PJA2: variants seen among roughly 807,000 people sequenced by gnomAD.
PJA2 encodes the protein E3 ubiquitin-protein ligase Praja-2.
In PJA2, 25 loss-of-function variants were observed where a neutral mutation model predicts 69.3. That is an observed-to-expected ratio of 0.36 (90% CI 0.26 to 0.50). The LOEUF is 0.50. Among genes scored for constraint, PJA2 ranks in the 20% least tolerant of loss-of-function variants. PJA2 has a pLI of 0.96. For synonymous variants in PJA2, 308 were observed against 277.8 expected, an observed-to-expected ratio of 1.11 and a Z score of -1.08; for missense variants, 809 against 830.2, an observed-to-expected ratio of 0.97 and a Z score of 0.31.
At chr5:109,363,941 C>T (rs1762538390) in intron 5 of PJA2, among the ~76,000 whole-genome samples, 1 of 152,018 alleles carries the variant, frequency 6.6e-6, no homozygotes, top group African/African-American at 2.4e-5. Flanking sequence ...CACTTGAGGC[C>T]AGGAGTTTGA....
intron 1 of PJA2, chr5:109,409,206 C>T (rs1027444366): frequency 3.7e-5 from 5 of 134,788 alleles, no homozygotes; most frequent in African/African-American, 1.3e-4. Flanking sequence ...CCTGACATCG[C>T]TAACTGAGAG....
At chr5:109,369,081 A>G (rs1762630818) in intron 4 of PJA2, among the ~76,000 whole-genome samples, 1 of 152,126 alleles carries the variant, frequency 6.6e-6, no homozygotes, top group Admixed American at 6.5e-5. Flanking sequence ...GCATTCCACC[A>G]TGATTGGAAG....
intron 6 of PJA2, among the ~76,000 whole-genome samples, chr5:109,361,667 G>A (rs1762508311): frequency 6.6e-6 from 1 of 152,202 alleles, no homozygotes; most frequent in African/African-American, 2.4e-5. Flanking sequence ...ACTGGGACTA[G>A]GTAAAGCCAC....
chr5:109,394,369 C>T (rs2963023), intron 1 of PJA2, among the ~76,000 whole-genome samples: 115,755 of 152,076 alleles, frequency 0.76, 45,025 homozygotes, highest in African/African-American at 0.89. Context: ...CTCGACTTGG[C>T]TGGTGTTTAT....
At chr5:109,399,264 T>C (rs1273637291) in intron 1 of PJA2, among the ~76,000 whole-genome samples, 2 of 148,298 alleles carry the variant, frequency 1.3e-5, no homozygotes, top group Non-Finnish European at 3.0e-5. Context: ...GGAGAGAAGG[T>C]ACAGCATCAT....
At chr5:109,364,743 G>A (rs1762559808) in intron 5 of PJA2, among the ~76,000 whole-genome samples, 1 of 141,666 alleles carries the variant, frequency 7.1e-6, no homozygotes, top group African/African-American at 2.5e-5. Flanking sequence ...AGAGACAAAG[G>A]GCTTTTCCTT....
chr5:109,386,225 GAA>G (rs1015059173), intron 1 of PJA2, among the ~76,000 whole-genome samples: 6 of 152,112 alleles, frequency 3.9e-5, no homozygotes, highest in Admixed American at 6.6e-5. Flanking sequence ...GGCAGTGAGA[GAA>G]AAGAAAAATA....
intron 1 of PJA2, among the ~76,000 whole-genome samples, chr5:109,388,971 T>C (rs1330174292): frequency 2.0e-5 from 3 of 152,212 alleles, no homozygotes; most frequent in Non-Finnish European, 4.4e-5. Context: ...AATGCATTTA[T>C]GACAAACTAT....
At chr5:109,399,730 TGAG>T (rs1747497225) in intron 1 of PJA2, among the ~76,000 whole-genome samples, 1 of 151,928 alleles carries the variant, frequency 6.6e-6, no homozygotes, top group African/African-American at 2.4e-5. Flanking sequence ...ACAAAAAAGC[TGAG>T]GAGGAAAAAA....
chr5:109,340,930 G>C (rs1312976123), intron 9 of PJA2, among the ~76,000 whole-genome samples: 2 of 120,954 alleles, frequency 1.7e-5, no homozygotes, highest in African/African-American at 2.7e-5. Flanking sequence ...ACGGAGTCTC[G>C]TTCACTCAGT....
chr5:109,371,372 TTTG>T (rs778105453), intron 4 of PJA2, among the ~76,000 whole-genome samples: 1 of 152,210 alleles, frequency 6.6e-6, no homozygotes, highest in African/African-American at 2.4e-5. Context: ...CCTATCTTGA[TTTG>T]TTATCTTTTA....
intron 9 of PJA2, among the ~76,000 whole-genome samples, chr5:109,338,852 G>C (rs1257014861): frequency 6.6e-6 from 1 of 152,084 alleles, no homozygotes; most frequent in African/African-American, 2.4e-5. Flanking sequence ...AGGATTAAAG[G>C]AGAAATCATG....
intron 8 of PJA2, 33 bp from the exon 9 acceptor site, chr5:109,344,344 C>A (rs368243888): frequency 1.3e-6 from 2 of 1,563,142 alleles, no homozygotes; most frequent in East Asian, 2.3e-5. Context: ...GTCAATCACA[C>A]GTAGTTCAAT....
At chr5:109,379,985 T>C (rs576786311) in intron 3 of PJA2, among the ~76,000 whole-genome samples, 9 of 151,858 alleles carry the variant, frequency 5.9e-5, no homozygotes, top group Non-Finnish European at 1.2e-4. Context: ...AATGAAGACA[T>C]TTGAGATTTG....
At chr5:109,338,189 T>A (rs1761979897) in intron 9 of PJA2, among the ~76,000 whole-genome samples, 1 of 152,120 alleles carries the variant, frequency 6.6e-6, no homozygotes, top group African/African-American at 2.4e-5. Flanking sequence ...CAAAGAACTG[T>A]ATCTTGGGAA....
rs1747091921 is a variant in PJA2, at chr5:109,383,317, GATGATC to G, written c.31+80_31+85del. ...AGCCTTTTAGTAAGACCACAGGTCA[GATGATC>G]ATATGTCACTTACTGGTACTCAAGG... On this transcript the variant is annotated intron_variant, in intron 2 of 9. Coordinates refer to ENST00000361189, the MANE Select transcript of PJA2 (RefSeq NM_014819.5). 8.4e-6 allele frequency: 10 copies of G among 1,193,268 alleles called. No homozygotes were observed. The East Asian group carries it at 2.3e-4, about 28-fold the overall frequency. 73.9% of individuals were successfully genotyped at this position (1,193,268 alleles called of 1,614,324 possible).
At chr5:109,377,129 TA>T (rs1279529390) in intron 4 of PJA2, among the ~76,000 whole-genome samples, 1 of 152,154 alleles carries the variant, frequency 6.6e-6, no homozygotes, top group East Asian at 1.9e-4. Flanking sequence ...AATTATATTT[TA>T]AATATTTTCT....
At chr5:109,350,262 C>A (rs1198307821) in intron 7 of PJA2, among the ~76,000 whole-genome samples, 1 of 151,436 alleles carries the variant, frequency 6.6e-6, no homozygotes, top group African/African-American at 2.4e-5. Flanking sequence ...GCCTTTTAAG[C>A]CACTAGTATG....
In PJA2 at chr5:109,381,849, A is replaced by C. The variant is rs116172576; in HGVS notation, c.32-146T>G. On this transcript the variant is annotated intron_variant, in intron 2 of 9. Coordinates refer to ENST00000361189, the MANE Select transcript of PJA2 (RefSeq NM_014819.5). Reference sequence around the variant, plus strand: ...GAAGTGTACCTTACTAGTACTATAAAACATTATTCTTCACACACTAGAAAA... The same window carrying C: ...GAAGTGTACCTTACTAGTACTATAACACATTATTCTTCACACACTAGAAAA... The C allele has an allele frequency of 1.9e-3, 1,239 of 649,190 alleles. 13 individuals carry two copies. The African/African-American group carries it at 0.019, about 10-fold the overall frequency. The allele number at this position is 649,190 out of a possible 1,614,324, so 40.2% of individuals were successfully genotyped here. A position where few individuals can be genotyped will look rare whatever the true frequency, so the allele number is the denominator to read the frequency against.
Sources: allele counts gnomAD v4.1 joint callset (sites outside exome capture counted in the v4.1 genomes callset), GRCh38; gene constraint gnomAD v4.1.1; transcripts MANE v1.5; gene names NCBI Gene and HGNC (gene_info 2026-07-23, HGNC 2026-07-21).